PSMA8: variants seen among roughly 807,000 people sequenced by gnomAD.
PSMA8 encodes proteasome 20S subunit alpha 8, also known as proteasome subunit alpha-type 8.
PSMA8 carries 18 observed loss-of-function variants against 32.4 expected under a neutral mutation model. The ratio of observed to expected loss-of-function variants is 0.56; its 90% CI spans 0.38 to 0.82. The LOEUF (loss-of-function observed/expected upper bound fraction) is 0.82. Among genes scored for constraint, PSMA8 ranks in the 40% least tolerant of loss-of-function variants. The pLI is 0.00. For synonymous variants in PSMA8, 104 were observed against 98.1 expected, an observed-to-expected ratio of 1.06 and a Z score of -0.36; for missense variants, 298 against 300.7, an observed-to-expected ratio of 0.99 and a Z score of 0.07.
At chr18:26,138,802 T>C (rs1297292012) in intron 1 of PSMA8, among the ~76,000 whole-genome samples, 1 of 152,180 alleles carries the variant, frequency 6.6e-6, no homozygotes, top group African/African-American at 2.4e-5. Context: ...AGTATACTTG[T>C]TACAATTTGA....
intron 4 of PSMA8, among the ~76,000 whole-genome samples, chr18:26,174,225 T>A (rs1260083889): frequency 1.3e-5 from 2 of 152,244 alleles, no homozygotes; most frequent in Non-Finnish European, 2.9e-5. Context: ...ATTTTACTGA[T>A]TTTTCAAAAT....
intron 3 of PSMA8, among the ~76,000 whole-genome samples, chr18:26,152,189 G>A (rs1336082387): frequency 6.6e-6 from 1 of 151,834 alleles, no homozygotes; most frequent in Non-Finnish European, 1.5e-5. Flanking sequence ...TATTAATTCT[G>A]GGAATTACAT....
At chr18:26,164,767 A>G (rs1458202042) in intron 4 of PSMA8, among the ~76,000 whole-genome samples, 2 of 152,208 alleles carry the variant, frequency 1.3e-5, no homozygotes, top group Non-Finnish European at 2.9e-5. Flanking sequence ...AACCAGAGAC[A>G]CTTAAATATG....
chr18:26,162,619 A>T (rs1202833752), intron 4 of PSMA8, among the ~76,000 whole-genome samples: 1 of 152,188 alleles, frequency 6.6e-6, no homozygotes, highest in African/African-American at 2.4e-5. Context: ...TAATCCCAGC[A>T]CTTTGGGAGG....
chr18:26,166,865 T>C (rs948655941), intron 4 of PSMA8, among the ~76,000 whole-genome samples: 2 of 152,186 alleles, frequency 1.3e-5, no homozygotes, highest in Non-Finnish European at 2.9e-5. Context: ...TTGGAAAACA[T>C]GTATTTGCCA....
chr18:26,161,113 C>A (rs1044794749), intron 4 of PSMA8, among the ~76,000 whole-genome samples: 1 of 152,140 alleles, frequency 6.6e-6, no homozygotes, highest in Non-Finnish European at 1.5e-5. Flanking sequence ...GGCCAAGTGG[C>A]AATCTCAGCT....
At position 26,135,589 on chromosome 18, in the gene PSMA8, C is replaced by T. The variant is rs183245498; in HGVS notation, c.102+1522C>T. On this transcript the variant is annotated intron_variant, in intron 1 of 6. Coordinates refer to ENST00000415576, the MANE Select transcript of PSMA8 (RefSeq NM_001025096.2). The stretch of plus-strand genomic sequence containing the variant: ...TAAGGAAAGCCTGATGTAGCTTAAA[C>T]CAAAAGGGTACCATTTTGATAAAAA... Among the ~76,000 whole-genome samples the T allele has an allele frequency of 6.6e-5, 10 of 152,162 alleles. No individual in the cohort carries two copies. The East Asian group carries it at 1.5e-3, about 23-fold the overall frequency.
chr18:26,184,646 T>G (rs1247779687), intron 6 of PSMA8, among the ~76,000 whole-genome samples: 1 of 148,994 alleles, frequency 6.7e-6, no homozygotes, highest in Non-Finnish European at 1.5e-5. Context: ...TGGTGGCATG[T>G]GCCTGTAATC....
rs187678277 is a variant in PSMA8, at chr18:26,163,790, A to G, written c.477+5546A>G. Among the ~76,000 whole-genome samples the G allele has an allele frequency of 1.3e-3, 201 of 152,352 alleles. 1 individual carries two copies. The highest frequency in any genetic ancestry group is 4.3e-3 in the African/African-American group (180 of 41,590). On this transcript the variant is annotated intron_variant, in intron 4 of 6. Transcript: ENST00000415576. ...ATTGGGATAACACAATCTGATTTAT[A>G]CTTTTAATGTGTCTCTCTAGCTGCT...
rs933685807 is a variant in PSMA8, at chr18:26,192,320, T to C, written c.662T>C (p.Met221Thr). Residue 221 changes from methionine to threonine, a missense_variant and splice_region_variant, in exon 7 of 7, where the codon ATG becomes ACG. By Grantham distance (81) the Met-to-Thr change is moderately conservative. Coordinates refer to ENST00000415576, the MANE Select transcript of PSMA8 (RefSeq NM_001025096.2). ...AIIRRNQPLK[M>T]FSAKEVELYV... ...CTTTAAATTTTTTTCTCTTTTCAGA[T>C]GTTTAGTGCAAAAGAAGTTGAATTA... is the stretch of plus-strand genomic sequence containing the variant. 2 of 1,500,216 alleles carry C rather than the reference T, an allele frequency of 1.3e-6. No homozygotes were observed. Among genetic ancestry groups the C allele is most frequent in the Non-Finnish European group, 1.8e-6 (2 of 1,135,084 alleles). The allele number at this position is 1,500,216 out of a possible 1,614,324, so 92.9% of individuals were successfully genotyped here.
chr18:26,166,448 C>A (rs779206011), intron 4 of PSMA8, among the ~76,000 whole-genome samples: 31 of 152,112 alleles, frequency 2.0e-4, no homozygotes, highest in Non-Finnish European at 2.9e-4. Flanking sequence ...CATACATTTG[C>A]AATTAAAAAC....
intron 6 of PSMA8, among the ~76,000 whole-genome samples, chr18:26,180,731 G>C (rs2055304469): frequency 7.4e-6 from 1 of 134,368 alleles, no homozygotes; most frequent in Admixed American, 7.4e-5. Flanking sequence ...CACACACACA[G>C]AGTTATATGC....
At chr18:26,158,940 T>C (rs1203586540) in intron 4 of PSMA8, among the ~76,000 whole-genome samples, 1 of 152,030 alleles carries the variant, frequency 6.6e-6, no homozygotes, top group Non-Finnish European at 1.5e-5. Context: ...GTCTCTGCAC[T>C]CCAGCCCAGG....
rs933887695 is a variant in PSMA8, at chr18:26,169,042, C to G, written c.478-9788C>G. 3.8e-5 allele frequency among the ~76,000 whole-genome samples: 5 copies of G among 131,208 alleles called. 1 individual carries two copies. Among genetic ancestry groups the G allele is most frequent in the Admixed American group, 3.6e-4 (5 of 13,732 alleles). The allele number at this position is 131,208 out of a possible 152,430, so 86.1% of individuals were successfully genotyped here. A position where few individuals can be genotyped will look rare whatever the true frequency, so the allele number is the denominator to read the frequency against. Reference sequence around the variant, plus strand: ...TGTCACCCCGGCTGGAGTGCAGTGGCACAATCACGACTCACTGCAGCCTTG... The same window carrying G: ...TGTCACCCCGGCTGGAGTGCAGTGGGACAATCACGACTCACTGCAGCCTTG... On this transcript the variant is annotated intron_variant, in intron 4 of 6. Coordinates refer to ENST00000415576, the MANE Select transcript of PSMA8 (RefSeq NM_001025096.2).
intron 1 of PSMA8, among the ~76,000 whole-genome samples, chr18:26,135,827 A>G (rs1204224633): frequency 6.6e-6 from 1 of 152,192 alleles, no homozygotes; most frequent in Admixed American, 6.5e-5. Context: ...AAAAATACCT[A>G]TAGTGGGCAT....
At chr18:26,186,458 G>A (rs2055355601) in intron 6 of PSMA8, among the ~76,000 whole-genome samples, 1 of 152,020 alleles carries the variant, frequency 6.6e-6, no homozygotes, top group Non-Finnish European at 1.5e-5. Context: ...GAAATTTACT[G>A]AGTAGTGTAA....
chr18:26,181,855 C>T (rs970826333), intron 6 of PSMA8, among the ~76,000 whole-genome samples: 4 of 147,650 alleles, frequency 2.7e-5, no homozygotes, highest in Non-Finnish European at 5.9e-5. Flanking sequence ...ACCTGAGAGG[C>T]GGAGGTTGCA....
chr18:26,168,602 GC>G (rs1343682211), intron 4 of PSMA8, among the ~76,000 whole-genome samples: 1 of 127,198 alleles, frequency 7.9e-6, no homozygotes, highest in Non-Finnish European at 1.5e-5. Context: ...CACTAAGGTG[GC>G]CAGGCTGGTC....
At chr18:26,141,240 A>G (rs2054953449) in intron 1 of PSMA8, among the ~76,000 whole-genome samples, 1 of 151,794 alleles carries the variant, frequency 6.6e-6, no homozygotes, top group South Asian at 2.1e-4. Flanking sequence ...TTCATTTTTA[A>G]TATTTTTTCT....
Sources: gnomAD v4.1 joint callset for allele counts (sites outside exome capture counted in the v4.1 genomes callset) on GRCh38, gnomAD v4.1.1 for gene constraint, MANE v1.5 for transcripts, NCBI Gene and HGNC (gene_info 2026-07-23, HGNC 2026-07-21) for gene names.